TMEM201: variants seen among roughly 807,000 people sequenced by gnomAD.
The protein encoded by TMEM201 is transmembrane protein 201, also known as RP13-15M17.2.
TMEM201 carries 26 observed loss-of-function variants against 63.4 expected under a neutral mutation model. That is an observed-to-expected ratio of 0.41 (90% CI 0.30 to 0.57). TMEM201 has a LOEUF of 0.57. Among genes scored for constraint, TMEM201 ranks in the 20% least tolerant of loss-of-function variants. The pLI is 0.29. For synonymous variants in TMEM201, 417 were observed against 421.6 expected (o/e 0.99, Z 0.14); for missense variants, 794 against 917.7 (o/e 0.87, Z 1.74).
Position 9,598,461 on chromosome 1 carries a change from G to C in TMEM201, c.442G>C (p.Glu148Gln). ...FAPREEGRYD[E>Q]EVEVYRHHLE... ...CCCAACCCCACAGGGCAGGTATGAC[G>C]AGGAGGTCGAGGTGTACCGGCATCA... is the stretch of plus-strand genomic sequence containing the variant. The change falls in exon 4 of 11, where the codon GAG becomes CAG. Residue 148 changes from glutamate (E) to glutamine (Q), a missense_variant. Physicochemically the swap from Glu to Gln is conservative, Grantham distance 29. Transcript: ENST00000340381. The C allele has an allele frequency of 6.2e-7, 1 of 1,613,186 alleles. No homozygotes were observed. Among genetic ancestry groups the C allele is most frequent in the Non-Finnish European group, 8.5e-7 (1 of 1,179,358 alleles).
intron 6 of TMEM201, 78 bp downstream of exon 6, chr1:9,602,350 C>T: frequency 1.9e-6 from 3 of 1,551,548 alleles, no homozygotes; most frequent in South Asian, 2.3e-5. Context: ...CGAAGCGGGC[C>T]CCTCTCTGTC....
At chr1:9,602,499 G>A (rs200848529) in intron 6 of TMEM201, 6 of 1,418,814 alleles carry the variant, frequency 4.2e-6, no homozygotes, top group South Asian at 1.5e-5. Flanking sequence ...CGAGTGCCCT[G>A]TAGCCACTCA....
At position 9,605,726 on chromosome 1, in the gene TMEM201, G is replaced by A. The variant is rs1557559506; in HGVS notation, c.1161-1831G>A. ...AACAGCCCCTGTGCCAGGTGGCCAGGAGATTCAGCCTTTAAGCACTGAGGC... is the reference window on the plus strand; with the variant it reads ...AACAGCCCCTGTGCCAGGTGGCCAGAAGATTCAGCCTTTAAGCACTGAGGC... On this transcript the variant is annotated intron_variant, in intron 6 of 10. Transcript: ENST00000340381. This position sits in a 1 kb window ranked among gnomAD's most constrained non-coding sequence, Gnocchi z 5.7. 1.3e-5 allele frequency among the ~76,000 whole-genome samples: 2 copies of A among 152,216 alleles called. No homozygotes were observed. The highest frequency in any genetic ancestry group is 2.9e-5 in the Non-Finnish European group (2 of 68,040).
chr1:9,596,328 C>T (rs1257799755), intron 2 of TMEM201, among the ~76,000 whole-genome samples: 2 of 152,242 alleles, frequency 1.3e-5, no homozygotes, highest in Admixed American at 6.5e-5. Context: ...ATCTCATTCT[C>T]TGTACTATAT....
chr1:9,589,964 G>A (rs2100437065), intron 1 of TMEM201, among the ~76,000 whole-genome samples: 1 of 152,366 alleles, frequency 6.6e-6, no homozygotes, highest in Non-Finnish European at 1.5e-5. Flanking sequence ...TTTGAACCCT[G>A]ATCGTCTGGC....
rs2100534495 is a variant in TMEM201, at chr1:9,613,399, AG to A, written c.*317del. 2.4e-6 allele frequency: 1 copy of A among 423,470 alleles called. No individual in the cohort carries two copies. Among genetic ancestry groups the A allele is most frequent in the Non-Finnish European group, 4.3e-6 (1 of 231,402 alleles). The allele number at this position is 423,470 out of a possible 1,614,324, so 26.2% of individuals were successfully genotyped here. On this transcript the variant is annotated 3_prime_UTR_variant, in exon 11 of 11. Coordinates refer to ENST00000340381, the MANE Select transcript of TMEM201 (RefSeq NM_001130924.3). ...GACCCTGGGGTGCCCCACACAGTTC[AG>A]CCCTGCCTGGCAGGGACGCCAGTAC...
At position 9,609,830 on chromosome 1, in the gene TMEM201, CT is replaced by C. The variant is rs1360211227; in HGVS notation, c.1394-9del. Reference sequence around the variant, plus strand: ...GGCCTGACGTGTCGCCCGCTTCTCTCTGTCTCCAGACTCCGGCTATCTGTTC... The same window carrying C: ...GGCCTGACGTGTCGCCCGCTTCTCTCGTCTCCAGACTCCGGCTATCTGTTC... On this transcript the variant is annotated splice_polypyrimidine_tract_variant and intron_variant, in intron 7 of 10. Transcript: ENST00000340381. 3 of 1,551,334 alleles carry C rather than the reference CT, an allele frequency of 1.9e-6. No homozygotes were observed. In the South Asian group the frequency reaches 3.6e-5, roughly 18 times the overall value.
chr1:9,612,939 G>A (rs973848058), intron 10 of TMEM201, 47 bp from the exon 11 acceptor site: 16 of 1,524,196 alleles, frequency 1.0e-5, no homozygotes, highest in Middle Eastern at 1.7e-4. Flanking sequence ...GCTGCACAGC[G>A]AACCCACCCA....
chr1:9,607,460 C>T lies in TMEM201; in HGVS notation c.1161-97C>T. On this transcript the variant is annotated intron_variant, in intron 6 of 10. Coordinates refer to ENST00000340381, the MANE Select transcript of TMEM201 (RefSeq NM_001130924.3). The surrounding 1 kb of genome is among the most constrained non-coding windows in gnomAD (Gnocchi z 5.4). ...TCTGGGACCCCAGCTGAGGCCCCCACCTTGCACTGTGGGAGAGGGGTGGGA... is the reference window on the plus strand; with the variant it reads ...TCTGGGACCCCAGCTGAGGCCCCCATCTTGCACTGTGGGAGAGGGGTGGGA... 1.1e-6 allele frequency: 1 copy of T among 947,470 alleles called. No homozygotes were observed. The highest frequency in any genetic ancestry group is 2.5e-4 in the Middle Eastern group (1 of 4,018). 58.7% of individuals were successfully genotyped at this position (947,470 alleles called of 1,614,324 possible).
chr1:9,602,752 C>T, intron 6 of TMEM201: 1 of 1,014,106 alleles, frequency 9.9e-7, no homozygotes, highest in East Asian at 9.4e-5. Flanking sequence ...CGTGCCCTGA[C>T]CGTGCAGCAG....
intron 1 of TMEM201, 24 bp downstream of exon 1, chr1:9,589,067 G>T: frequency 1.0e-6 from 1 of 989,840 alleles, no homozygotes; most frequent in Non-Finnish European, 1.2e-6. Context: ...TCGGCCCCAC[G>T]CGGCCCTCTG....
intron 7 of TMEM201, among the ~76,000 whole-genome samples, 200 bp from the exon 8 acceptor site, chr1:9,609,640 C>T (rs558065663): frequency 2.6e-5 from 4 of 152,280 alleles, no homozygotes; most frequent in Non-Finnish European, 4.4e-5. Context: ...CAGCCCAAGC[C>T]TCAGTTTCTT....
At chr1:9,592,614 C>T (rs1643939852) in intron 1 of TMEM201, among the ~76,000 whole-genome samples, 2 of 152,236 alleles carry the variant, frequency 1.3e-5, no homozygotes, top group Non-Finnish European at 2.9e-5. Context: ...AGTGAGGCAT[C>T]CCGCAGGAGC....
intron 6 of TMEM201, chr1:9,606,306 A>G (rs7364899): frequency 0.78 from 118,299 of 152,170 alleles, 46,808 homozygotes; most frequent in Non-Finnish European, 0.85. Flanking sequence ...CAGGGTCCCC[A>G]GCTCAGCTCC....
intron 9 of TMEM201, 48 bp from the exon 10 acceptor site, chr1:9,611,705 T>G: frequency 6.4e-7 from 1 of 1,550,530 alleles, no homozygotes; most frequent in Non-Finnish European, 8.7e-7. Context: ...CGTCTGTCCC[T>G]GGAGGGAGCC....
Position 9,603,505 on chromosome 1 carries a change from T to TGAG in TMEM201, c.1160+1233_1160+1234insGAG. 1.0e-6 allele frequency: 1 copy of TGAG among 985,492 alleles called. No homozygotes were observed. The highest frequency in any genetic ancestry group is 1.1e-4 in the East Asian group (1 of 8,816). 61.0% of individuals were successfully genotyped at this position (985,492 alleles called of 1,614,324 possible). ...TGCCCACTCCCTCAGGGCCCACATG[T>TGAG]CCTGCCACTCGCCACTCTGAGCACG... is the stretch of plus-strand genomic sequence containing the variant. On this transcript the variant is annotated intron_variant, in intron 6 of 10. Coordinates refer to ENST00000340381, the MANE Select transcript of TMEM201 (RefSeq NM_001130924.3). The surrounding 1 kb of genome is among the most constrained non-coding windows in gnomAD (Gnocchi z 4.5).
intron 1 of TMEM201, among the ~76,000 whole-genome samples, chr1:9,590,411 A>C (rs1371608561): frequency 6.6e-6 from 1 of 152,136 alleles, no homozygotes. Flanking sequence ...GTGTTGCCTC[A>C]AGGATGAGAG....
At position 9,607,746 on chromosome 1, in the gene TMEM201, C is replaced by T. The variant is rs1317813270; in HGVS notation, c.1350C>T (p.Ser450=). 1.3e-6 allele frequency: 2 copies of T among 1,551,666 alleles called. No individual in the cohort carries two copies. The highest frequency in any genetic ancestry group is 2.7e-5 in the African/African-American group (2 of 73,048). ...CCTCCTCATTGCCTGGCCGCCTCAG[C>T]CGGGCCCTCTCTCTGGGAACCATAC... The part of the protein sequence containing the change: ...TSPSSLPGRL[S]RALSLGTIPS... Residue 450 remains serine, a synonymous_variant, in exon 7 of 11, where the codon AGC becomes AGT. Coordinates refer to ENST00000340381, the MANE Select transcript of TMEM201 (RefSeq NM_001130924.3). This position sits in a 1 kb window ranked among gnomAD's most constrained non-coding sequence, Gnocchi z 5.4.
rs902041111 is a variant in TMEM201, at chr1:9,614,545, A to C, written c.*1462A>C. The C allele has an allele frequency of 6.6e-6, 1 of 152,206 alleles. No individual in the cohort carries two copies. The highest frequency in any genetic ancestry group is 1.5e-5 in the Non-Finnish European group (1 of 68,036). 9.4% of individuals were successfully genotyped at this position (152,206 alleles called of 1,614,324 possible). On this transcript the variant is annotated 3_prime_UTR_variant, in exon 11 of 11. Coordinates refer to ENST00000340381, the MANE Select transcript of TMEM201 (RefSeq NM_001130924.3). The stretch of plus-strand genomic sequence containing the variant: ...GGACAGCATCAGGACTTTTGAGTCC[A>C]GCTGCCAGCAATGGTTCCAACTCGG...
Sources: allele counts gnomAD v4.1 joint callset (sites outside exome capture counted in the v4.1 genomes callset), GRCh38; gene constraint gnomAD v4.1.1; non-coding constraint Gnocchi (gnomAD v3.1); transcripts MANE v1.5; gene names NCBI Gene and HGNC (gene_info 2026-07-23, HGNC 2026-07-21).